SOBP: variants seen among roughly 807,000 people sequenced by gnomAD.
The protein encoded by SOBP is sine oculis binding protein homolog.
Under a neutral mutation model 53.6 loss-of-function variants are expected in SOBP, and 4 were observed. That is an observed-to-expected ratio of 0.07 (90% CI 0.04 to 0.17). The LOEUF (loss-of-function observed/expected upper bound fraction) is 0.17, where lower values mean the gene tolerates loss of function less well. Among genes scored for constraint, SOBP ranks in the 10% least tolerant of loss-of-function variants. The pLI is 1.00. For synonymous variants in SOBP, 584 were observed against 522.6 expected, an observed-to-expected ratio of 1.12 and a Z score of -1.60; for missense variants, 1,088 against 1,204.7, an observed-to-expected ratio of 0.90 and a Z score of 1.43.
rs1215243518 is a variant in SOBP, at chr6:107,633,545, C to G, written c.701C>G (p.Thr234Arg). ...GACTGGTGTAAGCACATAAGACACA[C>G]AAAAGAATACCTGGATTTTGGGGAC... is the stretch of plus-strand genomic sequence containing the variant. Reference protein sequence around the residue: ...VCDWCKHIRHTKEYLDFGDGE... With the variant: ...VCDWCKHIRHRKEYLDFGDGE... The change falls in exon 6 of 7, where the codon ACA becomes AGA. Residue 234 changes from threonine (T) to arginine (R), a missense_variant. Physicochemically the swap from Thr to Arg is moderately conservative, Grantham distance 71. This residue lies in a region of SOBP where 55 missense variants were observed against 134.3 expected (regional missense o/e 0.41). Coordinates refer to ENST00000317357, the MANE Select transcript of SOBP (RefSeq NM_018013.4). 1 of 1,614,206 alleles carries G rather than the reference C, an allele frequency of 6.2e-7. No homozygotes were observed. The highest frequency in any genetic ancestry group is 8.5e-7 in the Non-Finnish European group (1 of 1,180,054).
intron 3 of SOBP, among the ~76,000 whole-genome samples, chr6:107,508,938 A>G (rs77483802): frequency 0.029 from 4,434 of 152,322 alleles, 119 homozygotes; most frequent in African/African-American, 0.06. Flanking sequence ...TGACAAGTAC[A>G]TGGGGTTCAG....
intron 4 of SOBP, among the ~76,000 whole-genome samples, chr6:107,543,057 T>C (rs1259821186): frequency 6.6e-6 from 1 of 152,226 alleles, no homozygotes; most frequent in Non-Finnish European, 1.5e-5. Flanking sequence ...TGATGTCAGC[T>C]TTATTCTGAG....
In SOBP at chr6:107,635,541, G is replaced by A. The variant is rs1771006064; in HGVS notation, c.*3+72G>A. On this transcript the variant is annotated intron_variant, in intron 6 of 6. Coordinates refer to ENST00000317357, the MANE Select transcript of SOBP (RefSeq NM_018013.4). This position sits in a 1 kb window ranked among gnomAD's most constrained non-coding sequence, Gnocchi z 4.5. ...TCCTTACTTCTGACAAGGCAGAGGG[G>A]AGAGTTGTAATTATAGTCATGATTT... 1 of 1,585,936 alleles carries A rather than the reference G, an allele frequency of 6.3e-7. No homozygotes were observed. The highest frequency in any genetic ancestry group is 1.7e-5 in the Admixed American group (1 of 59,930).
chr6:107,660,252 T>A lies in SOBP; in HGVS notation c.*2049T>A, dbSNP rs973251716. 6.6e-6 allele frequency: 1 copy of A among 152,418 alleles called. No homozygotes were observed. Among genetic ancestry groups the A allele is most frequent in the African/African-American group, 2.4e-5 (1 of 41,422 alleles). 9.4% of individuals were successfully genotyped at this position (152,418 alleles called of 1,614,324 possible). On this transcript the variant is annotated 3_prime_UTR_variant, in exon 7 of 7. Transcript: ENST00000317357. Reference sequence around the variant, plus strand: ...ATTTTTCTCCCCCTGGGAAACATTTTAAAAAATAGAACTAAGGAGTTTTAA... The same window carrying A: ...ATTTTTCTCCCCCTGGGAAACATTTAAAAAAATAGAACTAAGGAGTTTTAA...
chr6:107,507,327 CAG>C (rs930951653), intron 3 of SOBP, among the ~76,000 whole-genome samples: 1 of 151,988 alleles, frequency 6.6e-6, no homozygotes, highest in African/African-American at 2.4e-5. Flanking sequence ...TTTTTTGAGA[CAG>C]AGTTTCGCTC....
At chr6:107,646,516 C>T (rs1053458791) in intron 6 of SOBP, among the ~76,000 whole-genome samples, 1 of 152,204 alleles carries the variant, frequency 6.6e-6, no homozygotes, top group African/African-American at 2.4e-5. Context: ...CAGCGGACTT[C>T]ACGAATGTGG....
intron 5 of SOBP, among the ~76,000 whole-genome samples, chr6:107,620,051 G>A (rs972087989): frequency 4.6e-5 from 7 of 152,158 alleles, no homozygotes; most frequent in Non-Finnish European, 1.0e-4. Flanking sequence ...AGAAGCCCAG[G>A]GAAATCAGAA....
At chr6:107,570,357 G>GT (rs1308677487) in intron 4 of SOBP, among the ~76,000 whole-genome samples, 1 of 152,128 alleles carries the variant, frequency 6.6e-6, no homozygotes, top group East Asian at 1.9e-4. Context: ...TAATCTCCTT[G>GT]TATCTTTTAG....
intron 4 of SOBP, among the ~76,000 whole-genome samples, chr6:107,544,274 A>C (rs1412316094): frequency 1.3e-5 from 2 of 152,224 alleles, no homozygotes; most frequent in East Asian, 3.8e-4. Context: ...TCAGGTGGCC[A>C]AAGGAGTAGA....
intron 5 of SOBP, among the ~76,000 whole-genome samples, chr6:107,604,489 A>T: frequency 6.6e-6 from 1 of 152,028 alleles, no homozygotes; most frequent in African/African-American, 2.4e-5. Flanking sequence ...CACTCCTTTT[A>T]TGAAGAGTGG....
At chr6:107,498,717 C>T (rs1782759989) in intron 1 of SOBP, among the ~76,000 whole-genome samples, 1 of 152,190 alleles carries the variant, frequency 6.6e-6, no homozygotes, top group African/African-American at 2.4e-5. Flanking sequence ...AGGAAGAACT[C>T]AGGAGGAGTA....
intron 6 of SOBP, among the ~76,000 whole-genome samples, chr6:107,649,640 C>A (rs1303400355): frequency 2.1e-5 from 3 of 145,760 alleles, no homozygotes; most frequent in East Asian, 2.0e-4. Context: ...TGGGAGTGAA[C>A]AGAGCCATCT....
intron 5 of SOBP, among the ~76,000 whole-genome samples, chr6:107,625,734 A>G (rs946573498): frequency 3.3e-5 from 5 of 152,322 alleles, no homozygotes; most frequent in African/African-American, 1.2e-4. Context: ...GATGCCACTG[A>G]TAATCACAGC....
chr6:107,586,272 C>A (rs972326711), intron 4 of SOBP, among the ~76,000 whole-genome samples: 23 of 152,202 alleles, frequency 1.5e-4, no homozygotes, highest in African/African-American at 4.8e-4. Context: ...GAGATGAGAG[C>A]AGAGCGGAGT....
chr6:107,521,879 T>C (rs1182826881), intron 3 of SOBP, among the ~76,000 whole-genome samples: 2 of 150,744 alleles, frequency 1.3e-5, no homozygotes, highest in African/African-American at 4.9e-5. Flanking sequence ...TTAACCTGGC[T>C]CATAGTCTGG....
intron 2 of SOBP, among the ~76,000 whole-genome samples, chr6:107,504,259 A>G (rs1782920904): frequency 6.6e-6 from 1 of 152,120 alleles, no homozygotes; most frequent in Non-Finnish European, 1.5e-5. Context: ...CGGAATTACT[A>G]TTTTTGTTTT....
chr6:107,520,613 G>A (rs916823614), intron 3 of SOBP, among the ~76,000 whole-genome samples: 4 of 152,200 alleles, frequency 2.6e-5, no homozygotes, highest in African/African-American at 9.6e-5. Context: ...AGGTCAACAA[G>A]GAGCTAAGAT....
chr6:107,654,347 G>A (rs556683362), intron 6 of SOBP, among the ~76,000 whole-genome samples: 1 of 152,192 alleles, frequency 6.6e-6, no homozygotes, highest in Non-Finnish European at 1.5e-5. Flanking sequence ...TCAGACAAAT[G>A]CCCAAATCAG....
At chr6:107,499,624 A>C (rs187239221) in intron 1 of SOBP, among the ~76,000 whole-genome samples, 8 of 152,336 alleles carry the variant, frequency 5.3e-5, no homozygotes, top group Admixed American at 4.6e-4. Flanking sequence ...GACTCAGTAA[A>C]ATTCATGAGG....
Sources: allele counts gnomAD v4.1 joint callset (sites outside exome capture counted in the v4.1 genomes callset), GRCh38; gene constraint gnomAD v4.1.1; regional missense constraint gnomAD v4.1.1; non-coding constraint Gnocchi (gnomAD v3.1); transcripts MANE v1.5; gene names NCBI Gene and HGNC (gene_info 2026-07-23, HGNC 2026-07-21).